Variants in DIS3L2 observed in about 807,000 individuals in gnomAD.
DIS3L2 encodes the protein DIS3-like exonuclease 2.
Under a neutral mutation model 97.5 loss-of-function variants are expected in DIS3L2, and 34 were observed. The observed-to-expected ratio is 0.35, with a 90% CI of 0.27 to 0.46. The LOEUF (loss-of-function observed/expected upper bound fraction) is 0.46. Among genes scored for constraint, DIS3L2 ranks in the 20% least tolerant of loss-of-function variants. DIS3L2 has a pLI of 1.00. For missense variants in DIS3L2, 1,038 were observed against 1,146.0 expected (o/e 0.91, Z 1.36); for synonymous variants, 435 against 445.2 (o/e 0.98, Z 0.29).
intron 10 of DIS3L2, among the ~76,000 whole-genome samples, chr2:232,236,634 C>A (rs1050653532): frequency 2.6e-5 from 4 of 152,196 alleles, no homozygotes; most frequent in Non-Finnish European, 4.4e-5. Flanking sequence ...AAGTTCATAT[C>A]ATTTATCAAT....
At chr2:232,112,607 A>G (rs1697571626) in intron 6 of DIS3L2, among the ~76,000 whole-genome samples, 1 of 152,062 alleles carries the variant, frequency 6.6e-6, no homozygotes. Flanking sequence ...AAACCAACAC[A>G]TTGACTGGCC....
intron 1 of DIS3L2, among the ~76,000 whole-genome samples, chr2:232,007,418 C>A (rs1257487589): frequency 6.6e-6 from 1 of 152,190 alleles, no homozygotes; most frequent in Non-Finnish European, 1.5e-5. Context: ...TCACTGCAGC[C>A]TCCACCTCTC....
chr2:231,979,728 CCACCA>C (rs1025395887), intron 1 of DIS3L2, among the ~76,000 whole-genome samples: 6 of 152,026 alleles, frequency 3.9e-5, no homozygotes, highest in African/African-American at 1.5e-4. Context: ...CAGGCACCTG[CCACCA>C]CACCCAGCTA....
intron 14 of DIS3L2, among the ~76,000 whole-genome samples, chr2:232,310,016 A>G (rs998342545): frequency 2.0e-4 from 30 of 152,214 alleles, no homozygotes; most frequent in African/African-American, 6.8e-4. Context: ...GACAACTTCA[A>G]ACCAGCACCA....
At chr2:231,963,007 T>C (rs1159993580) in intron 1 of DIS3L2, among the ~76,000 whole-genome samples, 3 of 152,118 alleles carry the variant, frequency 2.0e-5, no homozygotes, top group Non-Finnish European at 4.4e-5. Context: ...GTTGATTCCG[T>C]GTGTTTGCTA....
chr2:232,182,110 C>A lies in DIS3L2; in HGVS notation c.1124+18478C>A, dbSNP rs549563610. ...TTCCCTGATTGCTTTAGCTACATCC[C>A]ATAAATTTTCATAGGTTGTATTTTG... On this transcript the variant is annotated intron_variant, in intron 9 of 20. Transcript: ENST00000325385. 1.4e-4 allele frequency among the ~76,000 whole-genome samples: 22 copies of A among 152,238 alleles called. 1 individual carries two copies. In the South Asian group the frequency reaches 4.4e-3, roughly 30 times the overall value.
chr2:232,046,771 T>A (rs1695254720), intron 5 of DIS3L2, among the ~76,000 whole-genome samples: 1 of 152,224 alleles, frequency 6.6e-6, no homozygotes, highest in Admixed American at 6.5e-5. Context: ...TCCTACTAAG[T>A]GTTCTGTAAC....
intron 8 of DIS3L2, among the ~76,000 whole-genome samples, chr2:232,155,179 G>C (rs1401655458): frequency 2.0e-5 from 3 of 150,748 alleles, no homozygotes; most frequent in Admixed American, 1.3e-4. Context: ...CGCTCACGCT[G>C]GGAGCTGTAG....
intron 13 of DIS3L2, among the ~76,000 whole-genome samples, chr2:232,278,868 C>T (rs1574989632): frequency 6.6e-6 from 1 of 152,312 alleles, no homozygotes; most frequent in Non-Finnish European, 1.5e-5. Context: ...TATTTAACTT[C>T]ATAAAGAACT....
intron 8 of DIS3L2, among the ~76,000 whole-genome samples, chr2:232,158,487 G>T (rs917004830): frequency 5.3e-5 from 8 of 152,132 alleles, no homozygotes; most frequent in African/African-American, 1.9e-4. Context: ...AGCTACAAGA[G>T]ATTCAAGATA....
intron 13 of DIS3L2, among the ~76,000 whole-genome samples, chr2:232,288,401 T>C (rs1473272447): frequency 6.6e-6 from 1 of 152,232 alleles, no homozygotes; most frequent in Non-Finnish European, 1.5e-5. Context: ...ATGAGTGCTT[T>C]CTTCCAGCAA....
chr2:232,002,717 T>G (rs1002299728), intron 1 of DIS3L2, among the ~76,000 whole-genome samples: 25 of 152,346 alleles, frequency 1.6e-4, no homozygotes, highest in African/African-American at 6.0e-4. Flanking sequence ...TGAAGTGTTA[T>G]TCCACATCCA....
chr2:232,333,275 T>TCCTCTGCCTCCA (rs1156719326), intron 16 of DIS3L2, among the ~76,000 whole-genome samples: 44 of 137,218 alleles, frequency 3.2e-4, no homozygotes, highest in Non-Finnish European at 5.5e-4. Context: ...CTCCTCCTCC[T>TCCTCTGCCTCCA]CCTCTGCCTC....
At chr2:232,134,222 G>C (rs917906055) in intron 7 of DIS3L2, among the ~76,000 whole-genome samples, 8 of 152,114 alleles carry the variant, frequency 5.3e-5, no homozygotes, top group Non-Finnish European at 1.0e-4. Flanking sequence ...TGAACATTCA[G>C]ACAACTGGAG....
chr2:232,202,260 T>A (rs913430135), intron 9 of DIS3L2, among the ~76,000 whole-genome samples: 9 of 152,140 alleles, frequency 5.9e-5, no homozygotes, highest in African/African-American at 2.2e-4. Context: ...TAGCTGAGTG[T>A]GGTGGCACGC....
chr2:232,056,817 A>G (rs1423644978), intron 5 of DIS3L2, among the ~76,000 whole-genome samples: 1 of 152,216 alleles, frequency 6.6e-6, no homozygotes, highest in East Asian at 1.9e-4. Flanking sequence ...ATTCTCATAT[A>G]CTGCTAGTGG....
intron 5 of DIS3L2, among the ~76,000 whole-genome samples, chr2:232,042,271 C>T (rs145025515): frequency 1.8e-4 from 27 of 152,152 alleles, no homozygotes; most frequent in Non-Finnish European, 2.4e-4. Context: ...CCTTTGACAA[C>T]TAACTTTTCC....
At chr2:231,983,543 TGTG>T (rs1226431179) in intron 1 of DIS3L2, among the ~76,000 whole-genome samples, 5 of 152,160 alleles carry the variant, frequency 3.3e-5, no homozygotes. Flanking sequence ...CGAACCCTGT[TGTG>T]AACTGCATGT....
intron 9 of DIS3L2, among the ~76,000 whole-genome samples, chr2:232,197,557 C>T (rs769019137): frequency 7.2e-5 from 11 of 152,054 alleles, no homozygotes; most frequent in Non-Finnish European, 1.5e-4. Context: ...GGATGGGGTA[C>T]CTAAAATGAA....
Sources: gnomAD v4.1 joint callset for allele counts (sites outside exome capture counted in the v4.1 genomes callset) on GRCh38, gnomAD v4.1.1 for gene constraint, MANE v1.5 for transcripts, NCBI Gene and HGNC (gene_info 2026-07-23, HGNC 2026-07-21) for gene names.